The following TBC1D5 variants were observed in gnomAD, a reference collection of about 807,000 sequenced individuals.
The protein encoded by TBC1D5 is TBC1 domain family, member 5.
TBC1D5 carries 75 observed loss-of-function variants against 100.3 expected under a neutral mutation model. The ratio of observed to expected loss-of-function variants is 0.75; its 90% confidence interval spans 0.62 to 0.91. The LOEUF (loss-of-function observed/expected upper bound fraction) is 0.91, where lower values mean the gene tolerates loss of function less well. TBC1D5 is among the 40% of genes least tolerant of loss of function. The probability of loss-of-function intolerance (pLI) is 0.00; values close to 1 mark genes in which losing one functional copy is unlikely to be tolerated. For synonymous variants in TBC1D5, 323 were observed against 325.6 expected, an observed-to-expected ratio of 0.99 and a Z score of 0.09; for missense variants, 910 against 942.4, an observed-to-expected ratio of 0.97 and a Z score of 0.45.
intron 1 of TBC1D5, among the ~76,000 whole-genome samples, chr3:17,651,010 G>A (rs2065494577): frequency 6.6e-6 from 1 of 152,042 alleles, no homozygotes; most frequent in African/African-American, 2.4e-5. Context: ...TTAAAAATAT[G>A]GCAACAATAC....
intron 17 of TBC1D5, among the ~76,000 whole-genome samples, chr3:17,232,102 C>T (rs544640219): frequency 4.6e-4 from 70 of 152,192 alleles, no homozygotes; most frequent in African/African-American, 1.5e-3. Flanking sequence ...TTATATAACA[C>T]GAGGTATTTG....
chr3:17,499,139 C>A (rs1240351513), intron 3 of TBC1D5, among the ~76,000 whole-genome samples: 6 of 152,100 alleles, frequency 3.9e-5, no homozygotes, highest in Non-Finnish European at 7.4e-5. Flanking sequence ...TGAGTGATAT[C>A]AAAGAAAGCA....
chr3:17,518,460 A>C (rs891892329), intron 2 of TBC1D5, among the ~76,000 whole-genome samples: 6 of 152,158 alleles, frequency 3.9e-5, no homozygotes, highest in African/African-American at 1.4e-4. Context: ...TTTGGAGAAT[A>C]ATCCAGCTGG....
Position 17,404,296 on chromosome 3 carries a change from A to T in TBC1D5, c.441+398T>A, listed in dbSNP as rs116588242. Among the ~76,000 whole-genome samples, 520 of 152,120 alleles carry T rather than the reference A, an allele frequency of 3.4e-3. 3 individuals are homozygous for T. Among genetic ancestry groups the T allele is most frequent in the African/African-American group, 0.012 (505 of 41,534 alleles). On this transcript the variant is annotated intron_variant, in intron 7 of 21. Coordinates refer to ENST00000253692, the Ensembl canonical transcript of TBC1D5. ...AAAACTTCTTCATAGACTCACTACA[A>T]AGGGTTACTTCTTTCTTCCTGCGAG...
chr3:17,495,605 G>C (rs2095696792), intron 3 of TBC1D5, among the ~76,000 whole-genome samples: 1 of 152,060 alleles, frequency 6.6e-6, no homozygotes, highest in South Asian at 2.1e-4. Context: ...TTCTTCCTTG[G>C]GTCTTCTGAC....
intron 13 of TBC1D5, among the ~76,000 whole-genome samples, chr3:17,354,167 C>T (rs1463976409): frequency 1.3e-5 from 2 of 152,000 alleles, no homozygotes; most frequent in Admixed American, 1.3e-4. Context: ...AAATCTAATA[C>T]AAAAGGATAT....
intron 13 of TBC1D5, among the ~76,000 whole-genome samples, chr3:17,316,306 A>G (rs2150791138): frequency 1.3e-5 from 2 of 152,326 alleles, no homozygotes; most frequent in Middle Eastern, 6.8e-3. Flanking sequence ...TTTGTTTCTC[A>G]CTTTCAAACA....
intron 17 of TBC1D5, among the ~76,000 whole-genome samples, chr3:17,218,838 T>C (rs2073948539): frequency 6.6e-6 from 1 of 151,978 alleles, no homozygotes; most frequent in African/African-American, 2.4e-5. Context: ...CAATACTCTC[T>C]TTGTTGTCAG....
rs75851331 is a variant in TBC1D5, at chr3:17,423,101, G to C, written c.167+5349C>G. 5.7e-4 allele frequency among the ~76,000 whole-genome samples: 86 copies of C among 152,164 alleles called. No individual in the cohort carries two copies. The East Asian group carries it at 0.016, about 28-fold the overall frequency. On this transcript the variant is annotated intron_variant, in intron 4 of 21. Coordinates refer to ENST00000253692, the Ensembl canonical transcript of TBC1D5. ...AGCACATACTATACTGAGAAAGGGA[G>C]GCTACTTTGGAAGCTCTGATAAATA...
chr3:17,726,048 A>T (rs575917598), intron 1 of TBC1D5, among the ~76,000 whole-genome samples: 1 of 152,242 alleles, frequency 6.6e-6, no homozygotes, highest in Non-Finnish European at 1.5e-5. Context: ...ACATGATGTC[A>T]TTCTTTTTTA....
chr3:17,239,622 A>G (rs1248430207), intron 16 of TBC1D5, among the ~76,000 whole-genome samples: 2 of 152,120 alleles, frequency 1.3e-5, no homozygotes, highest in African/African-American at 4.8e-5. Context: ...TGCAGTTCCA[A>G]AGGTCTATTC....
intron 14 of TBC1D5, among the ~76,000 whole-genome samples, chr3:17,306,407 G>A (rs956280575): frequency 6.6e-6 from 1 of 152,170 alleles, no homozygotes; most frequent in Admixed American, 6.5e-5. Context: ...CTCATCCACT[G>A]TTACAGACTT....
intron 2 of TBC1D5, among the ~76,000 whole-genome samples, chr3:17,543,490 T>C (rs1027385774): frequency 1.5e-4 from 23 of 151,708 alleles, no homozygotes; most frequent in African/African-American, 5.6e-4. Context: ...AAATAAAAAT[T>C]AGCCAGGTGT....
At chr3:17,320,493 G>A (rs1404024547) in intron 13 of TBC1D5, among the ~76,000 whole-genome samples, 8 of 152,180 alleles carry the variant, frequency 5.3e-5, no homozygotes, top group Non-Finnish European at 1.2e-4. Context: ...CAAGAACCAA[G>A]GAAGTTTTAG....
At chr3:17,543,131 G>A (rs2096375350) in intron 2 of TBC1D5, among the ~76,000 whole-genome samples, 1 of 152,148 alleles carries the variant, frequency 6.6e-6, no homozygotes, top group South Asian at 2.1e-4. Flanking sequence ...GAAGGGAGGG[G>A]AGGGGAGAGG....
intron 14 of TBC1D5, among the ~76,000 whole-genome samples, chr3:17,299,702 C>CA (rs1471739974): frequency 1.3e-5 from 2 of 151,534 alleles, no homozygotes; most frequent in African/African-American, 2.4e-5. Context: ...ACTAAAAATA[C>CA]AAAAAAATTA....
chr3:17,426,703 C>T (rs1467578080), intron 4 of TBC1D5, among the ~76,000 whole-genome samples: 1 of 151,854 alleles, frequency 6.6e-6, no homozygotes, highest in African/African-American at 2.4e-5. Context: ...TACTAAGATA[C>T]TTTATTCAAG....
chr3:17,395,979 G>C (rs896024328), intron 8 of TBC1D5, among the ~76,000 whole-genome samples: 2 of 152,064 alleles, frequency 1.3e-5, no homozygotes. Flanking sequence ...AGTGTCAAAT[G>C]AGGAAGGACT....
At chr3:17,239,220 T>A (rs1347110421) in intron 16 of TBC1D5, among the ~76,000 whole-genome samples, 1 of 152,198 alleles carries the variant, frequency 6.6e-6, no homozygotes, top group Non-Finnish European at 1.5e-5. Flanking sequence ...ATTTGTTAAA[T>A]GGTAGCAGCA....
Sources: allele counts gnomAD v4.1 joint callset (sites outside exome capture counted in the v4.1 genomes callset), GRCh38; gene constraint gnomAD v4.1.1; transcripts MANE v1.5; gene names NCBI Gene and HGNC (gene_info 2026-07-23, HGNC 2026-07-21).